Variants in CTTNBP2 observed in about 807,000 individuals in gnomAD.
The protein encoded by CTTNBP2 is cortactin binding protein 2, also known as cortactin-binding protein 2.
In CTTNBP2, 108 loss-of-function variants were observed where a neutral mutation model predicts 156.9. That is an observed-to-expected ratio of 0.69 (90% CI 0.59 to 0.81). The LOEUF (loss-of-function observed/expected upper bound fraction) is 0.81. CTTNBP2 is among the 30% of genes least tolerant of loss of function. The probability of loss-of-function intolerance (pLI) is 0.00; values close to 1 mark genes in which losing one functional copy is unlikely to be tolerated. For missense variants in CTTNBP2, 1,924 were observed against 2,035.4 expected (o/e 0.95, Z 1.05); for synonymous variants, 767 against 751.8 (o/e 1.02, Z -0.33).
At chr7:117,756,491 G>A in intron 12 of CTTNBP2, 64 bp downstream of exon 12, 1 of 1,278,362 alleles carries the variant, frequency 7.8e-7, no homozygotes, top group Non-Finnish European at 1.1e-6. Flanking sequence ...ATAAAAATGG[G>A]CCACCCAATT....
chr7:117,799,967 T>C (rs1799524864), intron 3 of CTTNBP2, among the ~76,000 whole-genome samples: 1 of 152,016 alleles, frequency 6.6e-6, no homozygotes, highest in Admixed American at 6.5e-5. Context: ...ACCACCACAC[T>C]GATAGAAGCC....
chr7:117,727,850 TA>T (rs1292880406), intron 17 of CTTNBP2, among the ~76,000 whole-genome samples: 1 of 152,112 alleles, frequency 6.6e-6, no homozygotes, highest in African/African-American at 2.4e-5. Flanking sequence ...AAGCCAAACA[TA>T]ACTTGGATGA....
At chr7:117,803,365 C>T (rs1029295217) in intron 3 of CTTNBP2, among the ~76,000 whole-genome samples, 4 of 151,872 alleles carry the variant, frequency 2.6e-5, no homozygotes, top group African/African-American at 9.7e-5. Context: ...AAGATAGGAA[C>T]AATAGATGCT....
Position 117,827,505 on chromosome 7 carries a change from T to C in CTTNBP2, c.190-16516A>G, listed in dbSNP as rs551869672. 4.6e-5 allele frequency among the ~76,000 whole-genome samples: 7 copies of C among 152,294 alleles called. No individual in the cohort carries two copies. In the South Asian group the frequency reaches 1.5e-3, roughly 32 times the overall value. ...AGAAAAAAAATTCCCAATATTAAGCTTCTTACAAAAAATAGACACATGAGC... is the reference window on the plus strand; with the variant it reads ...AGAAAAAAAATTCCCAATATTAAGCCTCTTACAAAAAATAGACACATGAGC... On this transcript the variant is annotated intron_variant, in intron 2 of 22. Coordinates refer to ENST00000160373, the MANE Select transcript of CTTNBP2 (RefSeq NM_033427.3).
intron 5 of CTTNBP2, 77 bp downstream of exon 5, chr7:117,784,174 C>T: frequency 6.5e-6 from 7 of 1,074,634 alleles, no homozygotes; most frequent in Non-Finnish European, 9.2e-6. Flanking sequence ...GAACTTTCTG[C>T]TCATTACAAT....
intron 14 of CTTNBP2, among the ~76,000 whole-genome samples, chr7:117,738,542 A>G (rs1161452723): frequency 2.6e-5 from 4 of 152,238 alleles, no homozygotes; most frequent in Non-Finnish European, 5.9e-5. Flanking sequence ...AGACCGAATC[A>G]GTAAATCTCA....
At chr7:117,780,613 A>G (rs1798373673) in intron 6 of CTTNBP2, 22 bp from the exon 7 acceptor site, 6 of 1,510,060 alleles carry the variant, frequency 4.0e-6, no homozygotes, top group Non-Finnish European at 5.3e-6. Context: ...ATTAGGATTA[A>G]TTACATAAAA....
chr7:117,826,542 G>T (rs62471785), intron 2 of CTTNBP2, among the ~76,000 whole-genome samples: 1 of 151,940 alleles, frequency 6.6e-6, no homozygotes, highest in Non-Finnish European at 1.5e-5. Flanking sequence ...ATTGTTTGTA[G>T]CCCTAAAATA....
intron 5 of CTTNBP2, 24 bp from the exon 6 acceptor site, chr7:117,782,985 T>G (rs760344403): frequency 7.0e-6 from 11 of 1,568,404 alleles, no homozygotes; most frequent in Non-Finnish European, 9.6e-6. Flanking sequence ...TAGAAAGCCA[T>G]GTAAATTCCC....
At chr7:117,816,498 C>T (rs534657320) in intron 2 of CTTNBP2, among the ~76,000 whole-genome samples, 1 of 152,146 alleles carries the variant, frequency 6.6e-6, no homozygotes, top group African/African-American at 2.4e-5. Context: ...CTCCTTCACC[C>T]ACATATCTCC....
chr7:117,747,237 T>A (rs1455935726), intron 12 of CTTNBP2, among the ~76,000 whole-genome samples: 1 of 152,198 alleles, frequency 6.6e-6, no homozygotes, highest in African/African-American at 2.4e-5. Context: ...CAGGACAATG[T>A]AAGAATGTGT....
At chr7:117,867,601 G>C (rs760765371) in intron 1 of CTTNBP2, among the ~76,000 whole-genome samples, 4 of 151,964 alleles carry the variant, frequency 2.6e-5, no homozygotes, top group Non-Finnish European at 4.4e-5. Context: ...TATGAAAACA[G>C]AAAGTGTGCA....
intron 16 of CTTNBP2, among the ~76,000 whole-genome samples, chr7:117,732,202 G>A (rs1325522899): frequency 6.6e-6 from 1 of 152,076 alleles, no homozygotes; most frequent in Admixed American, 6.6e-5. Context: ...AATTTAAAAT[G>A]TGCACATTTT....
chr7:117,777,139 T>C (rs1292108229), intron 8 of CTTNBP2, among the ~76,000 whole-genome samples: 2 of 152,188 alleles, frequency 1.3e-5, no homozygotes, highest in Non-Finnish European at 2.9e-5. Context: ...GAATGAGCTC[T>C]GCAGCACGAG....
chr7:117,842,094 C>A (rs1196846620), intron 2 of CTTNBP2, among the ~76,000 whole-genome samples: 1 of 152,160 alleles, frequency 6.6e-6, no homozygotes, highest in East Asian at 1.9e-4. Flanking sequence ...ACTGTACATA[C>A]TATAGGGTTA....
intron 1 of CTTNBP2, among the ~76,000 whole-genome samples, chr7:117,864,386 A>G (rs1421478789): frequency 6.6e-6 from 1 of 152,018 alleles, no homozygotes; most frequent in Non-Finnish European, 1.5e-5. Context: ...ACTACTAGTC[A>G]TAGTAAAATT....
At chr7:117,754,667 A>G (rs773785329) in intron 12 of CTTNBP2, among the ~76,000 whole-genome samples, 3 of 152,256 alleles carry the variant, frequency 2.0e-5, no homozygotes, top group Non-Finnish European at 4.4e-5. Flanking sequence ...GACTGCTGAA[A>G]TAAGTGATAC....
chr7:117,779,912 C>A (rs898198528), intron 7 of CTTNBP2, among the ~76,000 whole-genome samples: 5 of 152,132 alleles, frequency 3.3e-5, no homozygotes, highest in Non-Finnish European at 7.4e-5. Flanking sequence ...AGGCATGCAC[C>A]ACCACGCTGG....
At chr7:117,779,714 C>T (rs1798298985) in intron 7 of CTTNBP2, among the ~76,000 whole-genome samples, 2 of 150,814 alleles carry the variant, frequency 1.3e-5, no homozygotes, top group Admixed American at 6.6e-5. Context: ...TTATATCTAG[C>T]TTATTACATC....
Sources: gnomAD v4.1 joint callset for allele counts (sites outside exome capture counted in the v4.1 genomes callset) on GRCh38, gnomAD v4.1.1 for gene constraint, MANE v1.5 for transcripts, NCBI Gene and HGNC (gene_info 2026-07-23, HGNC 2026-07-21) for gene names.